The following CTH variants were observed in gnomAD, a reference collection of about 807,000 sequenced individuals.
CTH encodes the protein cystathionine gamma-lyase, also known as cystathionase (cystathionine gamma-lyase).
Under a neutral mutation model 50.6 loss-of-function variants are expected in CTH, and 41 were observed. The observed-to-expected ratio is 0.81, with a 90% CI of 0.63 to 1.05. The LOEUF is 1.05. CTH is among the 50% of genes least tolerant of loss of function. CTH has a pLI of 0.00. For synonymous variants in CTH, 156 were observed against 168.9 expected (o/e 0.92, Z 0.59); for missense variants, 470 against 492.6 (o/e 0.95, Z 0.43).
At chr1:70,424,474 G>A in intron 5 of CTH, 58 bp downstream of exon 5, 1 of 1,607,614 alleles carries the variant, frequency 6.2e-7, no homozygotes, top group African/African-American at 1.3e-5. Context: ...CTGTAATTAG[G>A]AAAGAAAGGA....
chr1:70,430,648 T>A (rs554407236), intron 7 of CTH, among the ~76,000 whole-genome samples: 46 of 151,828 alleles, frequency 3.0e-4, no homozygotes, highest in African/African-American at 9.6e-4. Context: ...TTCAAGCGAT[T>A]CTCCTGCCTC....
At chr1:70,433,692 A>G in intron 8 of CTH, 136 bp from the exon 9 acceptor site, 3 of 1,344,762 alleles carry the variant, frequency 2.2e-6, no homozygotes, top group Non-Finnish European at 2.1e-6. Flanking sequence ...CCAAGCAAGT[A>G]GTCAGATGTG....
At chr1:70,415,823 T>C in intron 1 of CTH, 133 bp from the exon 2 acceptor site, 2 of 695,788 alleles carry the variant, frequency 2.9e-6, no homozygotes, top group South Asian at 1.5e-5. Flanking sequence ...GTTCTGCTTC[T>C]GTATTAAAGC....
At chr1:70,411,746 A>T in intron 1 of CTH, 163 bp downstream of exon 1, 1 of 906,232 alleles carries the variant, frequency 1.1e-6, no homozygotes, top group Non-Finnish European at 1.3e-6. Flanking sequence ...TTTGTATCGG[A>T]TGGTCCAGTG....
chr1:70,416,544 C>T (rs994605471), intron 2 of CTH, among the ~76,000 whole-genome samples: 4 of 150,626 alleles, frequency 2.7e-5, no homozygotes, highest in African/African-American at 9.8e-5. Flanking sequence ...AGGTGTGCAC[C>T]ACCACACCCT....
intron 9 of CTH, 189 bp from the exon 10 acceptor site, chr1:70,434,936 A>G: frequency 2.5e-6 from 1 of 403,504 alleles, no homozygotes; most frequent in Non-Finnish European, 4.6e-6. Context: ...TATTTTTAGT[A>G]GAGATGGGGT....
At chr1:70,430,500 A>G in intron 7 of CTH, 106 bp downstream of exon 7, 2 of 666,522 alleles carry the variant, frequency 3.0e-6, no homozygotes, top group South Asian at 1.8e-5. Flanking sequence ...ATAATTTATG[A>G]AGAAATGAAA....
At chr1:70,426,045 C>T (rs964578989) in intron 5 of CTH, among the ~76,000 whole-genome samples, 2 of 152,178 alleles carry the variant, frequency 1.3e-5, no homozygotes, top group African/African-American at 4.8e-5. Flanking sequence ...TAGCAGCTCT[C>T]TTTAAAGATT....
In CTH at chr1:70,411,276, A is replaced by T. The variant is rs17131292; in HGVS notation, c.-140A>T. ...CCCAACAATCGCTGTGTGCCGCTTT[A>T]GTGCGCTCGCCGTCGGCTCTACCTG... On this transcript the variant is annotated 5_prime_UTR_variant, in exon 1 of 12. Coordinates refer to ENST00000370938, the MANE Select transcript of CTH (RefSeq NM_001902.6). 8.7e-3 allele frequency: 7,321 copies of T among 841,946 alleles called. 266 individuals are homozygous for T. Among genetic ancestry groups the T allele is most frequent in the African/African-American group, 0.087 (5,231 of 60,280 alleles). 52.2% of individuals were successfully genotyped at this position (841,946 alleles called of 1,614,324 possible).
At chr1:70,436,454 G>T (rs1284620754) in intron 10 of CTH, among the ~76,000 whole-genome samples, 1 of 151,994 alleles carries the variant, frequency 6.6e-6, no homozygotes, top group Non-Finnish European at 1.5e-5. Flanking sequence ...TGTAATTACT[G>T]CAGGGTTAAG....
rs1683965225 is a variant in CTH, at chr1:70,411,553, G to GT, written c.140dup (p.Lys48GlnfsTer12). ...TGCCCCCCATCTCACTGTCCACCAC[G>GT]TTCAAGCAAGGGGCGCCTGGCCAGC... On this transcript the variant is annotated frameshift_variant, in exon 1 of 12. Transcript: ENST00000370938. LOFTEE classifies it high-confidence loss of function. The GT allele has an allele frequency of 6.2e-7, 1 of 1,613,950 alleles. No individual in the cohort carries two copies.
chr1:70,424,109 A>G (rs927211812), intron 4 of CTH, among the ~76,000 whole-genome samples, 176 bp from the exon 5 acceptor site: 1 of 152,260 alleles, frequency 6.6e-6, no homozygotes, highest in African/African-American at 2.4e-5. Flanking sequence ...GATACATTAC[A>G]TACCTACGGC....
chr1:70,423,669 T>C lies in CTH; in HGVS notation c.457-616T>C, dbSNP rs142795337. On this transcript the variant is annotated intron_variant, in intron 4 of 11. Coordinates refer to ENST00000370938, the MANE Select transcript of CTH (RefSeq NM_001902.6). The stretch of plus-strand genomic sequence containing the variant: ...TTTGATAACTATCAAGCATCTACCA[T>C]GTGTCTGAATTGTGGTAGGTTTTGA... 1.2e-3 allele frequency among the ~76,000 whole-genome samples: 186 copies of C among 152,310 alleles called. 1 individual carries two copies. Among genetic ancestry groups the C allele is most frequent in the African/African-American group, 4.1e-3 (172 of 41,576 alleles).
chr1:70,428,033 G>A (rs900045892), intron 5 of CTH, among the ~76,000 whole-genome samples: 1 of 150,530 alleles, frequency 6.6e-6, no homozygotes, highest in African/African-American at 2.4e-5. Context: ...TTATTAAGTG[G>A]AAAGTCTACA....
Position 70,411,405 on chromosome 1 carries a change from C to T in CTH, c.-11C>T, listed in dbSNP as rs764596174. ...GTGTTCTTTTCCTCTCTTCTTCTTT[C>T]GCGGTTCAGCATGCAGGAAAAAGAC... On this transcript the variant is annotated 5_prime_UTR_variant, in exon 1 of 12. Coordinates refer to ENST00000370938, the MANE Select transcript of CTH (RefSeq NM_001902.6). 2.9e-5 allele frequency: 47 copies of T among 1,613,584 alleles called. No individual in the cohort carries two copies. The highest frequency in any genetic ancestry group is 2.5e-5 in the Non-Finnish European group (30 of 1,179,624).
chr1:70,420,407 A>G (rs1307790158), intron 3 of CTH, among the ~76,000 whole-genome samples: 1 of 152,166 alleles, frequency 6.6e-6, no homozygotes, highest in Non-Finnish European at 1.5e-5. Context: ...AGGAGCATGC[A>G]ATCTAGATCC....
At chr1:70,430,485 T>G in intron 7 of CTH, 91 bp downstream of exon 7, 1 of 706,916 alleles carries the variant, frequency 1.4e-6, no homozygotes, top group Non-Finnish European at 2.6e-6. Context: ...AGTGATGGCA[T>G]TCTAATAATT....
chr1:70,426,856 G>T (rs1051515064), intron 5 of CTH, among the ~76,000 whole-genome samples: 1 of 152,132 alleles, frequency 6.6e-6, no homozygotes, highest in African/African-American at 2.4e-5. Flanking sequence ...GACACAGTGA[G>T]TCCTGTATAT....
intron 1 of CTH, among the ~76,000 whole-genome samples, chr1:70,413,245 C>CTCTT (rs1429665211): frequency 3.3e-5 from 5 of 151,020 alleles, no homozygotes; most frequent in African/African-American, 1.2e-4. Flanking sequence ...TACACAGCCT[C>CTCTT]TCTTTCTTTC....
Sources: allele counts gnomAD v4.1 joint callset (sites outside exome capture counted in the v4.1 genomes callset), GRCh38; gene constraint gnomAD v4.1.1; transcripts MANE v1.5; gene names NCBI Gene and HGNC (gene_info 2026-07-23, HGNC 2026-07-21).